Variants in PROSER2 observed in about 807,000 individuals in gnomAD.
The protein encoded by PROSER2 is proline and serine rich 2.
PROSER2 carries 18 observed loss-of-function variants against 14.6 expected under a neutral mutation model. The observed-to-expected ratio is 1.23, with a 90% confidence interval of 0.85 to 1.83. The LOEUF (loss-of-function observed/expected upper bound fraction) is 1.83. Ranked by LOEUF, PROSER2 falls within the 40% of genes most tolerant of loss-of-function variation. The probability of loss-of-function intolerance (pLI) is 0.00; values close to 1 mark genes in which losing one functional copy is unlikely to be tolerated. For synonymous variants in PROSER2, 367 were observed against 286.4 expected (o/e 1.28, Z -2.84); for missense variants, 823 against 629.8 (o/e 1.31, Z -3.28).
At chr10:11,828,489 G>T (rs1240465339) in intron 1 of PROSER2, among the ~76,000 whole-genome samples, 1 of 152,014 alleles carries the variant, frequency 6.6e-6, no homozygotes, top group Non-Finnish European at 1.5e-5. Context: ...ATCACCTGAG[G>T]TCAGGAGTTT....
Position 11,832,991 on chromosome 10 carries a change from C to T in PROSER2, c.-82+9521C>T, listed in dbSNP as rs192380655. ...CCGAGTAGCTGGGATTACAGGCACA[C>T]GCCACCATGCCCGGCTAATTTTTGT... On this transcript the variant is annotated intron_variant, in intron 1 of 3. Transcript: ENST00000277570. Among the ~76,000 whole-genome samples the T allele has an allele frequency of 1.3e-3, 192 of 151,640 alleles. 1 individual carries two copies. Among genetic ancestry groups the T allele is most frequent in the Non-Finnish European group, 2.2e-3 (149 of 67,886 alleles).
At chr10:11,849,554 G>T (rs892444501) in intron 1 of PROSER2, 6 of 152,248 alleles carry the variant, frequency 3.9e-5, no homozygotes, top group African/African-American at 1.4e-4. Context: ...AAGCATCAAA[G>T]AATATGCTTA....
At position 11,866,541 on chromosome 10, in the gene PROSER2, G is replaced by A. The variant is rs1564314386; in HGVS notation, c.149G>A (p.Ser50Asn). ...ATCCCTGTACTCTAGGATGATGAGAGCCTGAAGTACCTCACCCATGAGGAA... is the reference window on the plus strand; with the variant it reads ...ATCCCTGTACTCTAGGATGATGAGAACCTGAAGTACCTCACCCATGAGGAA... ...RSRSFTLDDE[S>N]LKYLTHEEKD... The change falls in exon 3 of 4, where the codon AGC (serine) becomes AAC (asparagine). Residue 50 changes from serine (S) to asparagine (N), a missense_variant. Physicochemically the swap from Ser to Asn is conservative, Grantham distance 46. Coordinates refer to ENST00000277570, the MANE Select transcript of PROSER2 (RefSeq NM_153256.4). The surrounding 1 kb of genome is among the most constrained non-coding windows in gnomAD (Gnocchi z 6.0). 1.2e-6 allele frequency: 2 copies of A among 1,614,138 alleles called. No homozygotes were observed. Among genetic ancestry groups the A allele is most frequent in the Non-Finnish European group, 1.7e-6 (2 of 1,180,016 alleles).
At chr10:11,845,479 T>A (rs1833909738) in intron 1 of PROSER2, among the ~76,000 whole-genome samples, 1 of 152,236 alleles carries the variant, frequency 6.6e-6, no homozygotes, top group Admixed American at 6.5e-5. Context: ...CTTGATGTCT[T>A]TATCAGTAAG....
At position 11,862,718 on chromosome 10, in the gene PROSER2, C is replaced by T. The variant is rs938743930; in HGVS notation, c.139-3813C>T. ...CCAAAAAATCAACAAAAGGCATATA[C>T]AAAACATCAATATTTCATTATGTAT... On this transcript the variant is annotated intron_variant, in intron 2 of 3. Coordinates refer to ENST00000277570, the MANE Select transcript of PROSER2 (RefSeq NM_153256.4). The surrounding 1 kb of genome is among the most constrained non-coding windows in gnomAD (Gnocchi z 4.2). The T allele has an allele frequency of 1.3e-5, 2 of 151,926 alleles. No homozygotes were observed. Among genetic ancestry groups the T allele is most frequent in the Non-Finnish European group, 2.9e-5 (2 of 68,016 alleles). 9.4% of individuals were successfully genotyped at this position (151,926 alleles called of 1,614,324 possible).
intron 2 of PROSER2, among the ~76,000 whole-genome samples, chr10:11,853,703 A>T (rs1053741538): frequency 6.6e-6 from 1 of 152,016 alleles, no homozygotes; most frequent in Admixed American, 6.6e-5. Flanking sequence ...TCTTGTTTGG[A>T]TCCATGCTCC....
rs1287006670 is a variant in PROSER2, at chr10:11,870,338, C to T, written c.1240C>T (p.Arg414Cys). Residue 414 changes from arginine (R) to cysteine (C), a missense_variant, in exon 4 of 4, where the codon CGC (arginine) becomes TGC (cysteine). Transcript: ENST00000277570. ...GGGCATCACCGTGCAGTTCGCGGGC[C>T]GCGGCTCCTCGGAGGAGGCGCGCAG... ...PQGITVQFAGRGSSEEARREA... is the reference protein window; with the variant it reads ...PQGITVQFAGCGSSEEARREA... The T allele has an allele frequency of 4.6e-6, 7 of 1,506,018 alleles. No individual in the cohort carries two copies. The highest frequency in any genetic ancestry group is 2.5e-5 in the South Asian group (2 of 79,916). The allele number at this position is 1,506,018 out of a possible 1,614,324, so 93.3% of individuals were successfully genotyped here.
Position 11,865,720 on chromosome 10 carries a change from C to T in PROSER2, c.139-811C>T, listed in dbSNP as rs1055953707. ...GCACTGACAGCCCACACTGTTAACACGGCACTCCACCGTCAGCTTTGCTCC... is the reference window on the plus strand; with the variant it reads ...GCACTGACAGCCCACACTGTTAACATGGCACTCCACCGTCAGCTTTGCTCC... On this transcript the variant is annotated intron_variant, in intron 2 of 3. Transcript: ENST00000277570. The surrounding 1 kb of genome is among the most constrained non-coding windows in gnomAD (Gnocchi z 4.2). Among the ~76,000 whole-genome samples, 4 of 152,182 alleles carry T rather than the reference C, an allele frequency of 2.6e-5. No individual in the cohort carries two copies. Among genetic ancestry groups the T allele is most frequent in the South Asian group, 4.1e-4 (2 of 4,824 alleles).
Position 11,829,501 on chromosome 10 carries a change from G to C in PROSER2, c.-82+6031G>C, listed in dbSNP as rs748728142. ...CAGGACGCTGAGGCAGGAGATGCTT[G>C]AGCCCAGGAGGTTGAGGCTACAGTG... On this transcript the variant is annotated intron_variant, in intron 1 of 3. Transcript: ENST00000277570. Among the ~76,000 whole-genome samples, 293 of 151,956 alleles carry C rather than the reference G, an allele frequency of 1.9e-3. 11 individuals carry two copies. The highest frequency in any genetic ancestry group is 4.7e-4 in the Non-Finnish European group (32 of 67,968).
intron 1 of PROSER2, among the ~76,000 whole-genome samples, chr10:11,828,057 T>G (rs1398387185): frequency 2.6e-5 from 4 of 152,136 alleles, no homozygotes; most frequent in Admixed American, 1.3e-4. Flanking sequence ...GGATAAAGAA[T>G]GGTACTGCAC....
chr10:11,829,682 C>T (rs1426734533), intron 1 of PROSER2, among the ~76,000 whole-genome samples: 1 of 122,592 alleles, frequency 8.2e-6, no homozygotes, highest in Non-Finnish European at 1.8e-5. Flanking sequence ...TCTTTATATG[C>T]CACAAATTGC....
At chr10:11,850,027 A>T (rs1833989367) in intron 1 of PROSER2, 1 of 152,308 alleles carries the variant, frequency 6.6e-6, no homozygotes. Context: ...CCAACCTCCC[A>T]AACCACAAGC....
chr10:11,826,596 G>T (rs1378449604), intron 1 of PROSER2, among the ~76,000 whole-genome samples: 1 of 151,840 alleles, frequency 6.6e-6, no homozygotes, highest in East Asian at 1.9e-4. Context: ...TTATTTTTTT[G>T]AGACGGAGTC....
chr10:11,872,124 C>T lies in PROSER2; in HGVS notation c.*1718C>T, dbSNP rs1834500540. ...TGTTCAATAATAGAAGGTCTTGATA[C>T]AACCGACATTTTAAATATTCTTTAT... is the stretch of plus-strand genomic sequence containing the variant. On this transcript the variant is annotated 3_prime_UTR_variant, in exon 4 of 4. Transcript: ENST00000277570. The T allele has an allele frequency of 1.3e-5, 2 of 152,234 alleles. No homozygotes were observed. The highest frequency in any genetic ancestry group is 4.1e-4 in the South Asian group (2 of 4,834). The allele number at this position is 152,234 out of a possible 1,614,324, so 9.4% of individuals were successfully genotyped here.
rs530385621 is a variant in PROSER2, at chr10:11,871,985, A to G, written c.*1579A>G. The G allele has an allele frequency of 4.6e-5, 7 of 152,260 alleles. No individual in the cohort carries two copies. The highest frequency in any genetic ancestry group is 1.3e-4 in the Admixed American group (2 of 15,290). 9.4% of individuals were successfully genotyped at this position (152,260 alleles called of 1,614,324 possible). A position where few individuals can be genotyped will look rare whatever the true frequency, so the allele number is the denominator to read the frequency against. ...TGATCTTAATTTAAATAGGTGCTTT[A>G]ATTTTACAGCTTTCAAAAGTAGTTA... On this transcript the variant is annotated 3_prime_UTR_variant, in exon 4 of 4. Coordinates refer to ENST00000277570, the MANE Select transcript of PROSER2 (RefSeq NM_153256.4).
Position 11,836,412 on chromosome 10 carries a change from G to A in PROSER2, c.-82+12942G>A, listed in dbSNP as rs1833761225. ...GGGTTTCACCATGTTAGCCAGGCTG[G>A]TCTCGATCTCCTGACCTCAGGTGAT... On this transcript the variant is annotated intron_variant, in intron 1 of 3. Transcript: ENST00000277570. The surrounding 1 kb of genome is among the most constrained non-coding windows in gnomAD (Gnocchi z 4.6). Among the ~76,000 whole-genome samples, 1 of 152,086 alleles carries A rather than the reference G, an allele frequency of 6.6e-6. No individual in the cohort carries two copies. Among genetic ancestry groups the A allele is most frequent in the Non-Finnish European group, 1.5e-5 (1 of 68,026 alleles).
intron 1 of PROSER2, among the ~76,000 whole-genome samples, chr10:11,834,798 A>G (rs1253828060): frequency 1.3e-5 from 2 of 151,950 alleles, no homozygotes; most frequent in Non-Finnish European, 2.9e-5. Flanking sequence ...GTAAACTGGG[A>G]TTTTAGAAAT....
At chr10:11,853,967 C>G (rs955829764) in intron 2 of PROSER2, among the ~76,000 whole-genome samples, 2 of 152,202 alleles carry the variant, frequency 1.3e-5, no homozygotes, top group African/African-American at 4.8e-5. Flanking sequence ...CCTGCCGTGC[C>G]TGTCCCTGTA....
In PROSER2 at chr10:11,870,161, G is replaced by A. The variant is rs1183117218; in HGVS notation, c.1063G>A (p.Ala355Thr). The A allele has an allele frequency of 1.4e-6, 2 of 1,467,912 alleles. No homozygotes were observed. Among genetic ancestry groups the A allele is most frequent in the Non-Finnish European group, 9.0e-7 (1 of 1,116,866 alleles). 90.9% of individuals were successfully genotyped at this position (1,467,912 alleles called of 1,614,324 possible). Residue 355 changes from alanine (A) to threonine (T), a missense_variant, in exon 4 of 4, where the codon GCA (alanine) becomes ACA (threonine). Ala to Thr is a moderately conservative substitution (Grantham distance 58). Transcript: ENST00000277570. ...AAGTGCGCACGAGGCCCTGAAGAGC[G>A]CACCCAGCTCCTTCGCGCCCGCTGG... ...FPSAHEALKS[A>T]PSSFAPAGKS... is the part of the protein sequence containing the mutation.
Sources: allele counts gnomAD v4.1 joint callset (sites outside exome capture counted in the v4.1 genomes callset), GRCh38; gene constraint gnomAD v4.1.1; non-coding constraint Gnocchi (gnomAD v3.1); transcripts MANE v1.5; gene names NCBI Gene and HGNC (gene_info 2026-07-23, HGNC 2026-07-21).